The following ATF6 variants were observed in gnomAD, a reference collection of about 807,000 sequenced individuals.
The protein encoded by ATF6 is activating transcription factor 6.
Under a neutral mutation model 83.6 loss-of-function variants are expected in ATF6, and 53 were observed. That is an observed-to-expected ratio of 0.63 (90% CI 0.51 to 0.80). The LOEUF is 0.80. ATF6 is among the 30% of genes least tolerant of loss of function. The pLI is 0.00. For missense variants in ATF6, 744 were observed against 797.9 expected, an observed-to-expected ratio of 0.93 and a Z score of 0.81; for synonymous variants, 288 against 285.8, an observed-to-expected ratio of 1.01 and a Z score of -0.08.
chr1:161,867,152 G>A (rs918461518), intron 14 of ATF6, among the ~76,000 whole-genome samples: 9 of 152,112 alleles, frequency 5.9e-5, no homozygotes, highest in Middle Eastern at 3.4e-3. Context: ...AAAATTAGCC[G>A]GGCGTGGTGG....
chr1:161,847,073 ATT>A (rs1174946018), intron 10 of ATF6, among the ~76,000 whole-genome samples: 1 of 152,118 alleles, frequency 6.6e-6, no homozygotes, highest in African/African-American at 2.4e-5. Flanking sequence ...AAATTTCCAT[ATT>A]GCTTGTCAAT....
chr1:161,857,449 TAA>T (rs1686789363), intron 12 of ATF6, among the ~76,000 whole-genome samples: 1 of 152,106 alleles, frequency 6.6e-6, no homozygotes, highest in Non-Finnish European at 1.5e-5. Flanking sequence ...TTAGAGAAGG[TAA>T]AGGGGAAAAT....
intron 1 of ATF6, among the ~76,000 whole-genome samples, chr1:161,766,864 A>G (rs1005016409): frequency 6.6e-6 from 1 of 152,208 alleles, no homozygotes; most frequent in African/African-American, 2.4e-5. Flanking sequence ...ATGTGGTTAT[A>G]TACAAGAAAT....
chr1:161,866,270 T>G lies in ATF6; in HGVS notation c.1719+2958T>G, dbSNP rs147772854. Among the ~76,000 whole-genome samples, 456 of 152,320 alleles carry G rather than the reference T, an allele frequency of 3.0e-3. 1 individual carries two copies. The highest frequency in any genetic ancestry group is 0.011 in the African/African-American group (440 of 41,556). On this transcript the variant is annotated intron_variant, in intron 14 of 15. Coordinates refer to ENST00000367942, the MANE Select transcript of ATF6 (RefSeq NM_007348.4). Reference sequence around the variant, plus strand: ...ATATCTAAAGATGTAGAAGTAGCCATTGACTGTTTCGTACTGTTATTTAAG... The same window carrying G: ...ATATCTAAAGATGTAGAAGTAGCCAGTGACTGTTTCGTACTGTTATTTAAG...
chr1:161,841,110 G>T (rs868808957), intron 9 of ATF6, among the ~76,000 whole-genome samples: 1 of 152,088 alleles, frequency 6.6e-6, no homozygotes, highest in African/African-American at 2.4e-5. Context: ...AAGCACTCAT[G>T]GCAAGAATCT....
intron 6 of ATF6, among the ~76,000 whole-genome samples, chr1:161,799,796 T>C (rs1295864615): frequency 1.3e-5 from 2 of 152,166 alleles, no homozygotes; most frequent in Non-Finnish European, 2.9e-5. Context: ...GGCTTTGCTT[T>C]TATAAGTTAT....
At chr1:161,826,526 C>G (rs1315840787) in intron 9 of ATF6, among the ~76,000 whole-genome samples, 1 of 152,028 alleles carries the variant, frequency 6.6e-6, no homozygotes, top group Admixed American at 6.5e-5. Flanking sequence ...TCTTGAGGAT[C>G]AATCAGTTAA....
intron 9 of ATF6, among the ~76,000 whole-genome samples, chr1:161,830,033 G>A (rs1303726904): frequency 6.6e-6 from 1 of 152,190 alleles, no homozygotes; most frequent in Non-Finnish European, 1.5e-5. Flanking sequence ...TGACATGATT[G>A]TATATTTAGA....
At chr1:161,831,909 C>T (rs61802507) in intron 9 of ATF6, among the ~76,000 whole-genome samples, 31,399 of 149,446 alleles carry the variant, frequency 0.21, 4,082 homozygotes, top group Non-Finnish European at 0.29. Flanking sequence ...CAAACCTGCA[C>T]GTTGTGCACA....
intron 9 of ATF6, among the ~76,000 whole-genome samples, chr1:161,824,659 C>G (rs1259002778): frequency 6.6e-6 from 1 of 152,190 alleles, no homozygotes; most frequent in Non-Finnish European, 1.5e-5. Flanking sequence ...GAATGAATGT[C>G]TCCCTCACCC....
chr1:161,814,440 A>C (rs1685560013), intron 7 of ATF6, among the ~76,000 whole-genome samples: 1 of 152,232 alleles, frequency 6.6e-6, no homozygotes, highest in Non-Finnish European at 1.5e-5. Flanking sequence ...CCTAGCAGGG[A>C]CTTTGTCTAT....
intron 4 of ATF6, 34 bp downstream of exon 4, chr1:161,784,130 A>G (rs2101731127): frequency 6.9e-7 from 1 of 1,445,528 alleles, no homozygotes; most frequent in Non-Finnish European, 9.7e-7. Flanking sequence ...GATTTTGGTT[A>G]TAATATGCTA....
Position 161,911,074 on chromosome 1 carries a change from CTT to C in ATF6, c.1720-1220_1720-1219del, listed in dbSNP as rs367624102. Among the ~76,000 whole-genome samples, 5 of 152,178 alleles carry C rather than the reference CTT, an allele frequency of 3.3e-5. No homozygotes were observed. The South Asian group carries it at 1.0e-3, about 32-fold the overall frequency. On this transcript the variant is annotated intron_variant, in intron 14 of 15. Coordinates refer to ENST00000367942, the MANE Select transcript of ATF6 (RefSeq NM_007348.4). ...TAATCACACTTCATAATCATATCAACTTTGAACTTTGAAGTTGTGTTGAATTT... is the reference window on the plus strand; with the variant it reads ...TAATCACACTTCATAATCATATCAACTGAACTTTGAAGTTGTGTTGAATTT...
chr1:161,790,768 G>A (rs532132687), intron 4 of ATF6, among the ~76,000 whole-genome samples: 10 of 151,962 alleles, frequency 6.6e-5, no homozygotes, highest in Non-Finnish European at 1.2e-4. Flanking sequence ...CTGAGATTGC[G>A]TCACTGCACT....
At chr1:161,791,577 G>T in intron 5 of ATF6, 40 bp downstream of exon 5, 2 of 1,556,560 alleles carry the variant, frequency 1.3e-6, no homozygotes, top group South Asian at 2.4e-5. Flanking sequence ...TTCTATTTCA[G>T]ATTGAGCTTA....
chr1:161,819,798 C>CT lies in ATF6; in HGVS notation c.1076dup (p.Asp360GlyfsTer2). 6.2e-7 allele frequency: 1 copy of CT among 1,608,412 alleles called. No homozygotes were observed. The highest frequency in any genetic ancestry group is 8.5e-7 in the Non-Finnish European group (1 of 1,177,440). On this transcript the variant is annotated frameshift_variant, in exon 8 of 16. Transcript: ENST00000367942. LOFTEE classifies it high-confidence loss of function. Reference sequence around the variant, plus strand: ...AGAAAATGGAACACTGAAGCGGCAGCTGGATGAAGTTGTGTCAGAGGTAAG... The same window carrying CT: ...AGAAAATGGAACACTGAAGCGGCAGCTTGGATGAAGTTGTGTCAGAGGTAAG...
intron 14 of ATF6, among the ~76,000 whole-genome samples, chr1:161,898,546 TTTG>T (rs1475311525): frequency 6.6e-6 from 1 of 151,880 alleles, no homozygotes; most frequent in Non-Finnish European, 1.5e-5. Flanking sequence ...TTTTTTTGTT[TTTG>T]TTTTTGTTTT....
chr1:161,938,574 T>A (rs1225454393), intron 15 of ATF6, among the ~76,000 whole-genome samples: 1 of 152,240 alleles, frequency 6.6e-6, no homozygotes, highest in Non-Finnish European at 1.5e-5. Context: ...AAGAAGTTAG[T>A]AGAAGAAAGT....
At chr1:161,943,106 G>A (rs907334363) in intron 15 of ATF6, among the ~76,000 whole-genome samples, 2 of 152,012 alleles carry the variant, frequency 1.3e-5, no homozygotes, top group South Asian at 2.1e-4. Flanking sequence ...CGCCCACCTC[G>A]GCCTCCCAAA....
Sources: gnomAD v4.1 joint callset for allele counts (sites outside exome capture counted in the v4.1 genomes callset) on GRCh38, gnomAD v4.1.1 for gene constraint, MANE v1.5 for transcripts, NCBI Gene and HGNC (gene_info 2026-07-23, HGNC 2026-07-21) for gene names.